Variants in CYFIP2 observed in about 807,000 individuals in gnomAD.
CYFIP2 encodes cytoplasmic FMR1-interacting protein 2.
CYFIP2 carries 29 observed loss-of-function variants against 158.7 expected under a neutral mutation model. That is an observed-to-expected ratio of 0.18 (90% CI 0.14 to 0.25). The LOEUF is 0.25. Among genes scored for constraint, CYFIP2 ranks in the 10% least tolerant of loss-of-function variants. The probability of loss-of-function intolerance (pLI) is 1.00; values close to 1 mark genes in which losing one functional copy is unlikely to be tolerated. For synonymous variants in CYFIP2, 585 were observed against 617.6 expected (o/e 0.95, Z 0.78); for missense variants, 852 against 1,639.5 (o/e 0.52, Z 8.29).
exon 31 of CYFIP2, chr5:157,395,584 TAGTAAAACC>T: frequency 7.8e-7 from 1 of 1,286,932 alleles, no homozygotes; most frequent in Non-Finnish European, 1.0e-6. Context: ...GCTTCCAAAC[TAGTAAAACC>T]AGCAACTTGG....
chr5:157,390,881 G>A (rs1211606944), intron 30 of CYFIP2, among the ~76,000 whole-genome samples: 1 of 152,176 alleles, frequency 6.6e-6, no homozygotes, highest in Admixed American at 6.5e-5. Context: ...TCACCCCGAA[G>A]GGCAGGGCTG....
chr5:157,349,061 A>G (rs1380929738), intron 23 of CYFIP2, among the ~76,000 whole-genome samples: 1 of 152,118 alleles, frequency 6.6e-6, no homozygotes, highest in Admixed American at 6.6e-5. Context: ...GACTACAGGC[A>G]TTAGCCACCG....
intron 25 of CYFIP2, among the ~76,000 whole-genome samples, chr5:157,360,985 C>A (rs966048349): frequency 6.6e-6 from 1 of 152,204 alleles, no homozygotes; most frequent in Non-Finnish European, 1.5e-5. Flanking sequence ...TCAGTCCCAG[C>A]TGCCCTACTT....
rs923154963 is a variant in CYFIP2, at chr5:157,268,588, G to T, written c.-24+2393G>T. 2.6e-5 allele frequency among the ~76,000 whole-genome samples: 4 copies of T among 152,322 alleles called. No homozygotes were observed. In the East Asian group the frequency reaches 7.7e-4, roughly 29 times the overall value. ...TCCCAGTCCCTACGTTTAAAGATTG[G>T]ACTACACTCTCAACGCAGCTTCTTT... On this transcript the variant is annotated intron_variant, in intron 1 of 30. Coordinates refer to ENST00000620254, the MANE Select transcript of CYFIP2 (RefSeq NM_001037333.3).
At chr5:157,315,792 G>A (rs1343167068) in intron 13 of CYFIP2, among the ~76,000 whole-genome samples, 1 of 152,154 alleles carries the variant, frequency 6.6e-6, no homozygotes, top group African/African-American at 2.4e-5. Context: ...TGCATGCTAT[G>A]CAGTCTCTAA....
chr5:157,390,028 A>ACC (rs926228937), intron 29 of CYFIP2, among the ~76,000 whole-genome samples: 1 of 152,164 alleles, frequency 6.6e-6, no homozygotes, highest in African/African-American at 2.4e-5. Flanking sequence ...CTTTGTCAGA[A>ACC]CCAAAAGGAC....
chr5:157,281,405 C>T (rs1206923395), intron 1 of CYFIP2, among the ~76,000 whole-genome samples: 2 of 152,164 alleles, frequency 1.3e-5, no homozygotes, highest in African/African-American at 2.4e-5. Flanking sequence ...AAACATCCAT[C>T]TCTTCTATAG....
Position 157,361,720 on chromosome 5 carries a change from T to C in CYFIP2, c.3039+122T>C. On this transcript the variant is annotated intron_variant, in intron 26 of 30. Coordinates refer to ENST00000620254, the MANE Select transcript of CYFIP2 (RefSeq NM_001037333.3). The surrounding 1 kb of genome is among the most constrained non-coding windows in gnomAD (Gnocchi z 4.4). ...TTGAGTACAAGCTCACATGCTCTTT[T>C]CAGTTCATTTCCAGACAGACATGGA... is the stretch of plus-strand genomic sequence containing the variant. The C allele has an allele frequency of 8.2e-7, 1 of 1,224,094 alleles. No homozygotes were observed. Among genetic ancestry groups the C allele is most frequent in the South Asian group, 1.5e-5 (1 of 68,258 alleles). The allele number at this position is 1,224,094 out of a possible 1,614,324, so 75.8% of individuals were successfully genotyped here.
At chr5:157,299,440 T>G (rs1268451099) in intron 5 of CYFIP2, among the ~76,000 whole-genome samples, 1 of 152,230 alleles carries the variant, frequency 6.6e-6, no homozygotes, top group Non-Finnish European at 1.5e-5. Flanking sequence ...CTCTTTCAGC[T>G]TCTTTTCCTG....
At chr5:157,270,376 G>A (rs1755990979) in intron 1 of CYFIP2, among the ~76,000 whole-genome samples, 2 of 152,178 alleles carry the variant, frequency 1.3e-5, no homozygotes, top group Non-Finnish European at 2.9e-5. Flanking sequence ...TCAGGGTTTG[G>A]AACAGTTGCC....
intron 10 of CYFIP2, among the ~76,000 whole-genome samples, chr5:157,310,080 G>A (rs1043855761): frequency 2.6e-5 from 4 of 152,220 alleles, no homozygotes; most frequent in Admixed American, 6.5e-5. Context: ...GCAGTGACTC[G>A]CATGTCCTCT....
rs372547610 is a variant in CYFIP2 at position 157,272,013 on chromosome 5, GA to G, written c.-24+5819del. Among the ~76,000 whole-genome samples the G allele has an allele frequency of 6.8e-4, 104 of 152,332 alleles. 3 individuals carry two copies. In the East Asian group the frequency reaches 0.018, roughly 26 times the overall value. On this transcript the variant is annotated intron_variant, in intron 1 of 30. Coordinates refer to ENST00000620254, the MANE Select transcript of CYFIP2 (RefSeq NM_001037333.3). ...GCATGACTTCCCCTCCTGAGAGCATGAGGCCGTTCCCCTGAGCTGCTGGTAG... is the reference window on the plus strand; with the variant it reads ...GCATGACTTCCCCTCCTGAGAGCATGGGCCGTTCCCCTGAGCTGCTGGTAG...
At chr5:157,310,084 G>A (rs1253442464) in intron 10 of CYFIP2, among the ~76,000 whole-genome samples, 1 of 152,234 alleles carries the variant, frequency 6.6e-6, no homozygotes, top group Non-Finnish European at 1.5e-5. Flanking sequence ...TGACTCGCAT[G>A]TCCTCTCAGC....
intron 8 of CYFIP2, among the ~76,000 whole-genome samples, chr5:157,305,991 C>G (rs1230634339): frequency 6.6e-6 from 1 of 152,164 alleles, no homozygotes; most frequent in African/African-American, 2.4e-5. Context: ...AGCCATTATT[C>G]CATTGTTAGC....
chr5:157,379,819 G>C (rs933392265), intron 26 of CYFIP2, among the ~76,000 whole-genome samples: 9 of 152,208 alleles, frequency 5.9e-5, no homozygotes, highest in Admixed American at 4.6e-4. Context: ...TGCCCAGACA[G>C]AGCCTATTTA....
chr5:157,330,104 C>A (rs1581073851), intron 19 of CYFIP2, among the ~76,000 whole-genome samples: 1 of 152,180 alleles, frequency 6.6e-6, no homozygotes, highest in Non-Finnish European at 1.5e-5. Flanking sequence ...AGCAAAACTT[C>A]TTTAGAGAGA....
chr5:157,392,873 T>C lies in CYFIP2; in HGVS notation c.3635T>C (p.Ile1212Thr). ...KMADRIRKYQ[I>T]LNNEVFAILN... ...GCCGACCGGATCAGGAAGTATCAGA[T>C]CTTGAACAATGAGGTTTTTGCCATC... The change falls in exon 31 of 31, where the codon ATC (isoleucine) becomes ACC (threonine). Residue 1212 changes from isoleucine to threonine, a missense_variant. This residue lies in a region of CYFIP2 where 223 missense variants were observed against 381.6 expected (regional missense o/e 0.58). Coordinates refer to ENST00000620254, the MANE Select transcript of CYFIP2 (RefSeq NM_001037333.3). 2 of 1,613,898 alleles carry C rather than the reference T, an allele frequency of 1.2e-6. No individual in the cohort carries two copies. Among genetic ancestry groups the C allele is most frequent in the Non-Finnish European group, 1.7e-6 (2 of 1,179,870 alleles).
chr5:157,310,928 GAAGGGA>G lies in CYFIP2; in HGVS notation c.993-735_993-730del. On this transcript the variant is annotated intron_variant, in intron 10 of 30. Coordinates refer to ENST00000620254, the MANE Select transcript of CYFIP2 (RefSeq NM_001037333.3). ...CCAGCACCTGAGGGTAGAAGAGGGTGAAGGGAGTGGTCCTTTTTCTCTTGGGGATGG... is the reference window on the plus strand; with the variant it reads ...CCAGCACCTGAGGGTAGAAGAGGGTGGTGGTCCTTTTTCTCTTGGGGATGG... The G allele has an allele frequency of 8.8e-6, 4 of 452,048 alleles. No individual in the cohort carries two copies. In the East Asian group the frequency reaches 2.1e-4, roughly 24 times the overall value. 28.0% of individuals were successfully genotyped at this position (452,048 alleles called of 1,614,324 possible). A position where few individuals can be genotyped will look rare whatever the true frequency, so the allele number is the denominator to read the frequency against.
At chr5:157,370,194 A>G (rs1038407439) in intron 26 of CYFIP2, among the ~76,000 whole-genome samples, 7 of 152,150 alleles carry the variant, frequency 4.6e-5, no homozygotes, top group African/African-American at 1.4e-4. Context: ...CAGATGTTTT[A>G]AAAGCTCCAC....
Sources: gnomAD v4.1 joint callset for allele counts (sites outside exome capture counted in the v4.1 genomes callset) on GRCh38, gnomAD v4.1.1 for gene constraint, gnomAD v4.1.1 regional missense constraint, Gnocchi (gnomAD v3.1) non-coding constraint, MANE v1.5 for transcripts, NCBI Gene and HGNC (gene_info 2026-07-23, HGNC 2026-07-21) for gene names.